Variants in PBRM1 observed in about 807,000 individuals in gnomAD.
PBRM1 encodes the protein protein polybromo-1.
A neutral mutation model predicts 194.5 loss-of-function variants in PBRM1; 27 were observed. The observed-to-expected ratio is 0.14, with a 90% CI of 0.10 to 0.19. The LOEUF is 0.19. Ranked by LOEUF, PBRM1 falls within the 10% of genes least tolerant of loss-of-function variation. The pLI is 1.00. For missense variants in PBRM1, 1,466 were observed against 2,077.2 expected (o/e 0.71, Z 5.72); for synonymous variants, 655 against 693.2 (o/e 0.94, Z 0.87).
intron 15 of PBRM1, among the ~76,000 whole-genome samples, chr3:52,610,747 T>C (rs906138014): frequency 6.6e-6 from 1 of 152,212 alleles, no homozygotes; most frequent in East Asian, 1.9e-4. Flanking sequence ...AAGATCAACC[T>C]GGCCAACATG....
chr3:52,683,956 AG>A (rs758513404), upstream of PBRM1, among the ~76,000 whole-genome samples: 3 of 151,408 alleles, frequency 2.0e-5, no homozygotes, highest in Non-Finnish European at 4.4e-5. Flanking sequence ...TGACCGCTTG[AG>A]GCAGAGAGTT....
rs1055230486 is a variant in PBRM1, at chr3:52,566,969, T to C, written c.3692-2736A>G. Among the ~76,000 whole-genome samples, 8 of 150,112 alleles carry C rather than the reference T, an allele frequency of 5.3e-5. No individual in the cohort carries two copies. In the East Asian group the frequency reaches 1.4e-3, roughly 26 times the overall value. On this transcript the variant is annotated intron_variant, in intron 22 of 29. Coordinates refer to ENST00000296302, the Ensembl canonical transcript of PBRM1. ...CTGTAATCCCAGCTACTCAGAAGGC[T>C]GAGGCAGGAGAATTGCTTGAACCTG...
At chr3:52,651,576 T>C (rs1367598502) in intron 6 of PBRM1, among the ~76,000 whole-genome samples, 166 bp downstream of exon 7, 1 of 152,228 alleles carries the variant, frequency 6.6e-6, no homozygotes, top group African/African-American at 2.4e-5. Context: ...TGTCCTAAGA[T>C]GCAATCCAAA....
intron 16 of PBRM1, among the ~76,000 whole-genome samples, chr3:52,608,356 T>C (rs1356445966): frequency 6.6e-6 from 1 of 152,202 alleles, no homozygotes; most frequent in Non-Finnish European, 1.5e-5. Flanking sequence ...AGATTATCAC[T>C]TATCTAGAAT....
downstream of PBRM1, chr3:52,545,879 C>T (rs2079618166): frequency 4.3e-6 from 1 of 232,684 alleles, no homozygotes; most frequent in Non-Finnish European, 8.5e-6. Flanking sequence ...AGATGGCTGA[C>T]CTCAAATCTT....
intron 6 of PBRM1, among the ~76,000 whole-genome samples, chr3:52,649,883 A>G (rs2096441261): frequency 6.6e-6 from 1 of 152,150 alleles, no homozygotes; most frequent in African/African-American, 2.4e-5. Context: ...AGACTTTTGG[A>G]AAGAAGAAAG....
chr3:52,677,157 G>T (rs1158333693), intron 2 of PBRM1, among the ~76,000 whole-genome samples: 1 of 152,094 alleles, frequency 6.6e-6, no homozygotes, highest in African/African-American at 2.4e-5. Flanking sequence ...TTAATTTCAT[G>T]GATATGACAC....
At chr3:52,674,831 G>A (rs910053521) in intron 2 of PBRM1, among the ~76,000 whole-genome samples, 10 of 150,696 alleles carry the variant, frequency 6.6e-5, no homozygotes, top group Non-Finnish European at 1.0e-4. Flanking sequence ...ACATACACAC[G>A]TATATATAAC....
chr3:52,587,234 C>G (rs565473284), intron 19 of PBRM1, 119 bp downstream of exon 21: 2 of 794,668 alleles, frequency 2.5e-6, no homozygotes, highest in Non-Finnish European at 4.1e-6. Context: ...TATATAGACA[C>G]GGCTTAAAAA....
intron 3 of PBRM1, among the ~76,000 whole-genome samples, chr3:52,664,239 A>T (rs1215669097): frequency 1.3e-5 from 2 of 151,848 alleles, no homozygotes; most frequent in East Asian, 1.9e-4. Context: ...TCTCTTTAAA[A>T]AAATAAATAA....
intron 4 of PBRM1, 25 bp downstream of exon 5, chr3:52,662,108 T>A (rs2096737127): frequency 1.2e-6 from 2 of 1,611,094 alleles, no homozygotes; most frequent in Middle Eastern, 1.7e-4. Flanking sequence ...AGCCCATCCA[T>A]CACAAGTTCC....
At chr3:52,584,153 A>G (rs2091945493) in intron 20 of PBRM1, among the ~76,000 whole-genome samples, 1 of 152,144 alleles carries the variant, frequency 6.6e-6, no homozygotes, top group Admixed American at 6.6e-5. Flanking sequence ...TTCAAAAACA[A>G]TCTATGCAAG....
At chr3:52,658,408 G>T in intron 4 of PBRM1, 93 bp from the exon 6 acceptor site, 4 of 598,132 alleles carry the variant, frequency 6.7e-6, no homozygotes, top group South Asian at 2.0e-5. Flanking sequence ...ATTCAAAACA[G>T]CAACTTTTTT....
At chr3:52,617,667 G>T in intron 13 of PBRM1, 129 bp from the exon 16 acceptor site, 1 of 676,832 alleles carries the variant, frequency 1.5e-6, no homozygotes, top group Non-Finnish European at 2.4e-6. Context: ...GATTACATAT[G>T]CCACAAACAC....
intron 20 of PBRM1, among the ~76,000 whole-genome samples, chr3:52,581,442 G>A (rs1374901568): frequency 6.6e-6 from 1 of 151,598 alleles, no homozygotes; most frequent in Non-Finnish European, 1.5e-5. Context: ...CTCATGAGGC[G>A]GAGGTTGCAG....
At chr3:52,553,663 C>CT (rs71084188) in intron 27 of PBRM1, among the ~76,000 whole-genome samples, 48,439 of 119,386 alleles carry the variant, frequency 0.41, 11,117 homozygotes, top group Admixed American at 0.51. Context: ...CTAATTTTTC[C>CT]TTTTTTTTTT....
chr3:52,608,355 C>T (rs2153409203), intron 16 of PBRM1, among the ~76,000 whole-genome samples: 1 of 152,284 alleles, frequency 6.6e-6, no homozygotes, highest in East Asian at 1.9e-4. Flanking sequence ...AAGATTATCA[C>T]TTATCTAGAA....
intron 10 of PBRM1, among the ~76,000 whole-genome samples, chr3:52,636,756 CCAAAAAA>C (rs2095831929): frequency 3.9e-5 from 1 of 25,632 alleles, no homozygotes; most frequent in Non-Finnish European, 6.4e-5. Context: ...AACTCTGTCT[CCAAAAAA>C]AAAAAAAAAA....
At chr3:52,593,541 A>AC (rs1179425751) in intron 17 of PBRM1, among the ~76,000 whole-genome samples, 7 of 151,894 alleles carry the variant, frequency 4.6e-5, no homozygotes, top group Non-Finnish European at 8.8e-5. Context: ...CTGGCCATTG[A>AC]CCTATCTTTT....
Sources: gnomAD v4.1 joint callset for allele counts (sites outside exome capture counted in the v4.1 genomes callset) on GRCh38, gnomAD v4.1.1 for gene constraint, MANE v1.5 for transcripts, NCBI Gene and HGNC (gene_info 2026-07-23, HGNC 2026-07-21) for gene names.